GALNT9: variants seen among roughly 807,000 people sequenced by gnomAD.
GALNT9 encodes the protein GalNAc transferase 9.
GALNT9 carries 47 observed loss-of-function variants against 63.1 expected under a neutral mutation model. The observed-to-expected ratio is 0.75, with a 90% CI of 0.59 to 0.95. The LOEUF (loss-of-function observed/expected upper bound fraction) is 0.95. Among genes scored for constraint, GALNT9 ranks in the 40% least tolerant of loss-of-function variants. GALNT9 has a pLI of 0.00. For missense variants in GALNT9, 829 were observed against 874.8 expected, an observed-to-expected ratio of 0.95 and a Z score of 0.66; for synonymous variants, 396 against 365.7, an observed-to-expected ratio of 1.08 and a Z score of -0.94.
At chr12:132,230,927 C>T (rs886772526) in intron 6 of GALNT9, among the ~76,000 whole-genome samples, 1 of 152,268 alleles carries the variant, frequency 6.6e-6, no homozygotes, top group African/African-American at 2.4e-5. Flanking sequence ...GAGCCTCACA[C>T]TCTTCTGGGC....
chr12:132,281,707 G>A (rs1162445616), intron 2 of GALNT9, among the ~76,000 whole-genome samples: 1 of 152,168 alleles, frequency 6.6e-6, no homozygotes, highest in Non-Finnish European at 1.5e-5. Context: ...CTACAGCAGC[G>A]GCCACCTACA....
rs1879438748 is a variant in GALNT9 at position 132,262,579 on chromosome 12, C to A, written c.466G>T (p.Val156Phe). ...YAQDLPQVSV[V>F]FIFVNEALSV... is the part of the protein sequence containing the mutation. Reference sequence around the variant, plus strand: ...AGCGCCTCATTGACGAAGATGAAGACCACGGAGACCTGGGGCAGGTCCTGG... The same window carrying A: ...AGCGCCTCATTGACGAAGATGAAGAACACGGAGACCTGGGGCAGGTCCTGG... The change falls in exon 3 of 11, where the codon GTC becomes TTC. Residue 156 changes from valine to phenylalanine, a missense_variant. By Grantham distance (50) the Val-to-Phe change is conservative (BLOSUM62 -1). Transcript: ENST00000328957. 1 of 1,551,310 alleles carries A rather than the reference C, an allele frequency of 6.4e-7. No homozygotes were observed. Among genetic ancestry groups the A allele is most frequent in the African/African-American group, 1.4e-5 (1 of 73,058 alleles).
intron 6 of GALNT9, among the ~76,000 whole-genome samples, chr12:132,207,632 G>T (rs1053259569): frequency 5.3e-5 from 8 of 152,174 alleles, no homozygotes; most frequent in African/African-American, 1.7e-4. Context: ...GAGAGGCGAG[G>T]CTCCCGGGCG....
chr12:132,239,403 GACAC>G (rs1217705178), intron 6 of GALNT9, among the ~76,000 whole-genome samples: 1 of 151,434 alleles, frequency 6.6e-6, no homozygotes, highest in Non-Finnish European at 1.5e-5. Context: ...CAGAAAGAGA[GACAC>G]ACACTGAGAG....
chr12:132,261,205 G>T, intron 3 of GALNT9, 83 bp from the exon 4 acceptor site: 10 of 1,529,234 alleles, frequency 6.5e-6, no homozygotes, highest in Non-Finnish European at 8.8e-6. Flanking sequence ...AATGCTGCGT[G>T]CCGCGTGTGG....
In GALNT9 at chr12:132,238,483, C is replaced by T. The variant is rs1436661021; in HGVS notation, c.1077+9427G>A. On this transcript the variant is annotated intron_variant, in intron 6 of 10. Transcript: ENST00000328957. The surrounding 1 kb of genome is among the most constrained non-coding windows in gnomAD (Gnocchi z 6.5). ...TGTCAAGGTCTCCTGGACATTGTGCCACTGCTGGTGCCAGAGAGACCACGG... is the reference window on the plus strand; with the variant it reads ...TGTCAAGGTCTCCTGGACATTGTGCTACTGCTGGTGCCAGAGAGACCACGG... 6.6e-6 allele frequency among the ~76,000 whole-genome samples: 1 copy of T among 152,200 alleles called. No homozygotes were observed. The highest frequency in any genetic ancestry group is 6.5e-5 in the Admixed American group (1 of 15,290).
At position 132,246,592 on chromosome 12, in the gene GALNT9, A is replaced by T. The variant is rs1878714457; in HGVS notation, c.1077+1318T>A. Among the ~76,000 whole-genome samples, 1 of 152,134 alleles carries T rather than the reference A, an allele frequency of 6.6e-6. No individual in the cohort carries two copies. Among genetic ancestry groups the T allele is most frequent in the Non-Finnish European group, 1.5e-5 (1 of 68,014 alleles). ...CTGTCACCCAGGCTGGAGTGCAGTG[A>T]TGCGATCTCAGCTCACTGCAATTTC... On this transcript the variant is annotated intron_variant, in intron 6 of 10. Transcript: ENST00000328957. The surrounding 1 kb of genome is among the most constrained non-coding windows in gnomAD (Gnocchi z 4.7).
intron 9 of GALNT9, 87 bp from the exon 10 acceptor site, chr12:132,198,046 C>T: frequency 8.7e-7 from 1 of 1,145,372 alleles, no homozygotes; most frequent in Non-Finnish European, 1.2e-6. Context: ...CTGCCTTGAG[C>T]TGCAAACGGG....
At position 132,208,733 on chromosome 12, in the gene GALNT9, A is replaced by C. The variant is rs551371912; in HGVS notation, c.1078-5043T>G. On this transcript the variant is annotated intron_variant, in intron 6 of 10. Transcript: ENST00000328957. ...TCTGCTCCACATAGACCATGTGCCAACCCAGAGTTGTGGGCCAAGGAAATG... is the reference window on the plus strand; with the variant it reads ...TCTGCTCCACATAGACCATGTGCCACCCCAGAGTTGTGGGCCAAGGAAATG... Among the ~76,000 whole-genome samples, 125 of 152,310 alleles carry C rather than the reference A, an allele frequency of 8.2e-4. 1 individual carries two copies. The highest frequency in any genetic ancestry group is 2.9e-3 in the African/African-American group (119 of 41,578).
intron 5 of GALNT9, among the ~76,000 whole-genome samples, chr12:132,250,495 G>A (rs936821009): frequency 1.3e-5 from 2 of 152,314 alleles, no homozygotes; most frequent in East Asian, 3.9e-4. Flanking sequence ...CTGATAACAA[G>A]AAAAGCCAAC....
chr12:132,287,670 C>G (rs971349942), intron 1 of GALNT9, among the ~76,000 whole-genome samples: 1 of 152,118 alleles, frequency 6.6e-6, no homozygotes, highest in Non-Finnish European at 1.5e-5. Context: ...GGGGCAGTGT[C>G]GACTGGAAAG....
chr12:132,221,585 C>T (rs188347627), intron 6 of GALNT9, among the ~76,000 whole-genome samples: 23 of 127,172 alleles, frequency 1.8e-4, no homozygotes, highest in South Asian at 7.9e-4. Flanking sequence ...TCCTTGAACC[C>T]GGGAGGTGGA....
At chr12:132,323,532 G>A (rs1432191186) in intron 1 of GALNT9, among the ~76,000 whole-genome samples, 8 of 152,360 alleles carry the variant, frequency 5.3e-5, no homozygotes, top group East Asian at 1.9e-4. Flanking sequence ...AATCCCCAGC[G>A]AATCTGGGGG....
At chr12:132,328,314 GC>G (rs542106662) in intron 1 of GALNT9, among the ~76,000 whole-genome samples, 3 of 152,034 alleles carry the variant, frequency 2.0e-5, no homozygotes, top group African/African-American at 7.2e-5. Flanking sequence ...CACAACTTGG[GC>G]CCCCCTGGGT....
chr12:132,251,425 G>A (rs1004287042), intron 5 of GALNT9, among the ~76,000 whole-genome samples: 9 of 152,210 alleles, frequency 5.9e-5, no homozygotes, highest in African/African-American at 1.4e-4. Flanking sequence ...CCCGGCATCC[G>A]CTTTCCGGGG....
rs782491670 is a variant in GALNT9 at position 132,247,896 on chromosome 12, G to A, written c.1077+14C>T. ...CGCCCTCACCCTGTCCCTGGACACCGGGGCCGCACTCACCCTCATGCCCAG... is the reference window on the plus strand; with the variant it reads ...CGCCCTCACCCTGTCCCTGGACACCAGGGCCGCACTCACCCTCATGCCCAG... On this transcript the variant is annotated intron_variant, in intron 6 of 10. Transcript: ENST00000328957. 50 of 1,550,758 alleles carry A rather than the reference G, an allele frequency of 3.2e-5. No individual in the cohort carries two copies. Among genetic ancestry groups the A allele is most frequent in the East Asian group, 4.9e-5 (2 of 40,928 alleles).
chr12:132,261,015 C>G lies in GALNT9; in HGVS notation c.694G>C (p.Gly232Arg). 1 of 1,549,988 alleles carries G rather than the reference C, an allele frequency of 6.5e-7. No homozygotes were observed. Among genetic ancestry groups the G allele is most frequent in the Non-Finnish European group, 8.7e-7 (1 of 1,146,572 alleles). ...ACTGGGGCGGTGGCCGCCTTCCAGC[C>G]CTGCAGCCGCGCGCGGATCAGTCCT... is the stretch of plus-strand genomic sequence containing the variant. ...REGLIRARLQ[G>R]WKAATAPVVG... Residue 232 changes from glycine to arginine, a missense_variant, in exon 4 of 11, where the codon GGC (glycine) becomes CGC (arginine). Coordinates refer to ENST00000328957, the MANE Select transcript of GALNT9 (RefSeq NM_001122636.2).
In GALNT9 at chr12:132,315,831, C is replaced by T. The variant is rs974004710; in HGVS notation, c.238+13135G>A. ...CGCGTCACACAGGGTGTGAGTGACA[C>T]GGCCTCAGGGGAAGACCCCTCTATG... On this transcript the variant is annotated intron_variant, in intron 1 of 10. Coordinates refer to ENST00000328957, the MANE Select transcript of GALNT9 (RefSeq NM_001122636.2). This position sits in a 1 kb window ranked among gnomAD's most constrained non-coding sequence, Gnocchi z 6.1. 3.3e-5 allele frequency among the ~76,000 whole-genome samples: 5 copies of T among 152,230 alleles called. No individual in the cohort carries two copies. Among genetic ancestry groups the T allele is most frequent in the African/African-American group, 1.2e-4 (5 of 41,456 alleles).
intron 1 of GALNT9, among the ~76,000 whole-genome samples, chr12:132,306,302 T>C (rs1057111873): frequency 1.3e-5 from 2 of 152,172 alleles, no homozygotes; most frequent in Non-Finnish European, 2.9e-5. Context: ...GTCTAAACCA[T>C]CCCCAGGTGA....
Sources: allele counts gnomAD v4.1 joint callset (sites outside exome capture counted in the v4.1 genomes callset), GRCh38; gene constraint gnomAD v4.1.1; non-coding constraint Gnocchi (gnomAD v3.1); transcripts MANE v1.5; gene names NCBI Gene and HGNC (gene_info 2026-07-23, HGNC 2026-07-21).